Variants in ANXA10 observed in about 807,000 individuals in gnomAD.
ANXA10 encodes annexin A10.
ANXA10 carries 49 observed loss-of-function variants against 53.5 expected under a neutral mutation model. The ratio of observed to expected loss-of-function variants is 0.92; its 90% CI spans 0.73 to 1.16. The LOEUF (loss-of-function observed/expected upper bound fraction) is 1.16, where lower values mean the gene tolerates loss of function less well. Ranked by LOEUF, ANXA10 falls within the 50% of genes most tolerant of loss-of-function variation. The pLI is 0.00. For missense variants in ANXA10, 393 were observed against 394.4 expected (o/e 1.00, Z 0.03); for synonymous variants, 131 against 128.9 (o/e 1.02, Z -0.11).
intron 3 of ANXA10, among the ~76,000 whole-genome samples, chr4:168,141,756 T>G (rs1467123306): frequency 6.6e-6 from 1 of 152,176 alleles, no homozygotes; most frequent in Admixed American, 6.5e-5. Context: ...CAGAGAGTCC[T>G]GGGTTGGGTT....
chr4:168,120,909 G>C (rs1005556428), intron 1 of ANXA10, among the ~76,000 whole-genome samples: 3 of 151,782 alleles, frequency 2.0e-5, no homozygotes, highest in African/African-American at 7.3e-5. Context: ...ATTGCATTTA[G>C]TAAAAGATAT....
At chr4:168,110,674 T>C (rs1380607160) in intron 1 of ANXA10, among the ~76,000 whole-genome samples, 1 of 152,170 alleles carries the variant, frequency 6.6e-6, no homozygotes, top group African/African-American at 2.4e-5. Flanking sequence ...TTCTTTAGTA[T>C]ATAGTTAAAC....
intron 2 of ANXA10, among the ~76,000 whole-genome samples, chr4:168,131,728 T>G (rs769415754): frequency 7.9e-5 from 12 of 152,068 alleles, no homozygotes; most frequent in Non-Finnish European, 1.6e-4. Context: ...ACTGACCCCT[T>G]TAACATTTTG....
chr4:168,187,324 T>G (rs1028780267), intron 11 of ANXA10, 42 bp from the exon 12 acceptor site: 2 of 1,314,480 alleles, frequency 1.5e-6, no homozygotes, highest in Non-Finnish European at 2.1e-6. Flanking sequence ...TTTAGAACTA[T>G]TATGATATTT....
At chr4:168,132,530 A>G (rs1400765352) in intron 2 of ANXA10, among the ~76,000 whole-genome samples, 1 of 152,098 alleles carries the variant, frequency 6.6e-6, no homozygotes, top group East Asian at 1.9e-4. Flanking sequence ...GGTACAAAAA[A>G]TAGTTGGAAA....
intron 1 of ANXA10, among the ~76,000 whole-genome samples, chr4:168,125,453 G>A (rs899563346): frequency 1.3e-5 from 2 of 152,030 alleles, no homozygotes; most frequent in African/African-American, 4.8e-5. Context: ...AAAAAGTCTT[G>A]AGGCACTCAG....
intron 1 of ANXA10, among the ~76,000 whole-genome samples, chr4:168,121,474 A>G (rs571042032): frequency 3.3e-5 from 5 of 152,328 alleles, no homozygotes; most frequent in African/African-American, 1.2e-4. Flanking sequence ...GTTAAATTCT[A>G]TAAAATTACA....
chr4:168,151,784 A>G (rs1692943055), intron 3 of ANXA10, among the ~76,000 whole-genome samples: 1 of 152,236 alleles, frequency 6.6e-6, no homozygotes, highest in East Asian at 1.9e-4. Context: ...CAGTGTCCTG[A>G]TAATAGCATG....
chr4:168,144,433 T>C (rs1485431193), intron 3 of ANXA10, among the ~76,000 whole-genome samples: 2 of 152,154 alleles, frequency 1.3e-5, no homozygotes, highest in Admixed American at 6.5e-5. Flanking sequence ...GTGATCCACC[T>C]ACCTTGGCCT....
chr4:168,105,384 T>C (rs1730704270), intron 1 of ANXA10, among the ~76,000 whole-genome samples: 1 of 152,082 alleles, frequency 6.6e-6, no homozygotes, highest in South Asian at 2.1e-4. Context: ...TTTCTCTTCC[T>C]GTGGTAGTTT....
chr4:168,095,735 G>A (rs1198239239), intron 1 of ANXA10, among the ~76,000 whole-genome samples: 2 of 151,944 alleles, frequency 1.3e-5, no homozygotes, highest in Admixed American at 6.6e-5. Flanking sequence ...AAATACTAAG[G>A]TTCAGAAAAA....
chr4:168,157,089 A>C (rs989289707), intron 3 of ANXA10, among the ~76,000 whole-genome samples: 16 of 115,810 alleles, frequency 1.4e-4, no homozygotes, highest in Non-Finnish European at 3.9e-5. Context: ...ATCTAGTGGT[A>C]TGGCATATAA....
chr4:168,165,655 T>G (rs1295502650), intron 6 of ANXA10, among the ~76,000 whole-genome samples: 1 of 152,138 alleles, frequency 6.6e-6, no homozygotes, highest in Non-Finnish European at 1.5e-5. Context: ...AAATTAATAA[T>G]TCTAATTAGA....
chr4:168,172,680 A>G (rs145317487), intron 6 of ANXA10, among the ~76,000 whole-genome samples: 1 of 152,354 alleles, frequency 6.6e-6, no homozygotes, highest in Non-Finnish European at 1.5e-5. Flanking sequence ...ACATAAATTT[A>G]ATAAATAGGT....
At chr4:168,169,255 A>G (rs1011223525) in intron 6 of ANXA10, among the ~76,000 whole-genome samples, 8 of 152,280 alleles carry the variant, frequency 5.3e-5, no homozygotes, top group South Asian at 2.1e-4. Flanking sequence ...TTTTTTCTCA[A>G]TTTAAAAGGT....
At chr4:168,180,981 T>C (rs1732228330) in intron 9 of ANXA10, among the ~76,000 whole-genome samples, 1 of 152,102 alleles carries the variant, frequency 6.6e-6, no homozygotes, top group Admixed American at 6.6e-5. Flanking sequence ...TACTCACAAA[T>C]CTATAAGTTA....
intron 1 of ANXA10, among the ~76,000 whole-genome samples, chr4:168,115,269 A>G (rs773709791): frequency 4.6e-5 from 7 of 152,070 alleles, no homozygotes; most frequent in Non-Finnish European, 7.4e-5. Flanking sequence ...TATCATGGGG[A>G]AAACCCTGAT....
chr4:168,152,196 G>A (rs1481663270), intron 3 of ANXA10, among the ~76,000 whole-genome samples: 1 of 152,170 alleles, frequency 6.6e-6, no homozygotes, highest in Non-Finnish European at 1.5e-5. Flanking sequence ...GGAAGTGTGG[G>A]GAGATGGGGT....
Position 168,171,535 on chromosome 4 carries a change from A to G in ANXA10, c.481-6205A>G, listed in dbSNP as rs189515415. 2.2e-3 allele frequency among the ~76,000 whole-genome samples: 334 copies of G among 152,252 alleles called. 1 individual carries two copies. The highest frequency in any genetic ancestry group is 7.7e-3 in the African/African-American group (321 of 41,558). The stretch of plus-strand genomic sequence containing the variant: ...AGACACACCCATTTTTTTTGAATTA[A>G]TAGAGACTGGGGTAATTGGAGCATA... On this transcript the variant is annotated intron_variant, in intron 6 of 11. Transcript: ENST00000359299.
Sources: allele counts gnomAD v4.1 joint callset (sites outside exome capture counted in the v4.1 genomes callset), GRCh38; gene constraint gnomAD v4.1.1; transcripts MANE v1.5; gene names NCBI Gene and HGNC (gene_info 2026-07-23, HGNC 2026-07-21).